Variants in PCSK2 observed in about 807,000 individuals in gnomAD.
The protein encoded by PCSK2 is neuroendocrine convertase 2.
In PCSK2, 14 loss-of-function variants were observed where a neutral mutation model predicts 69.7. The ratio of observed to expected loss-of-function variants is 0.20; its 90% CI spans 0.13 to 0.31. PCSK2 has a LOEUF of 0.31. Among genes scored for constraint, PCSK2 ranks in the 10% least tolerant of loss-of-function variants. PCSK2 has a pLI of 1.00. For missense variants in PCSK2, 544 were observed against 842.5 expected (o/e 0.65, Z 4.39); for synonymous variants, 307 against 320.7 (o/e 0.96, Z 0.46).
chr20:17,442,631 G>A (rs748669668), intron 8 of PCSK2, among the ~76,000 whole-genome samples: 26 of 152,176 alleles, frequency 1.7e-4, no homozygotes, highest in Non-Finnish European at 3.8e-4. Context: ...TCGAAGGAAT[G>A]AGCGTGTGAA....
intron 11 of PCSK2, among the ~76,000 whole-genome samples, chr20:17,478,671 T>C (rs2033335086): frequency 6.6e-6 from 1 of 152,186 alleles, no homozygotes; most frequent in Admixed American, 6.5e-5. Flanking sequence ...TATTAGCTAA[T>C]TCTCATCATT....
chr20:17,390,438 A>G (rs2031343113), intron 5 of PCSK2, among the ~76,000 whole-genome samples: 2 of 152,228 alleles, frequency 1.3e-5, no homozygotes, highest in African/African-American at 4.8e-5. Flanking sequence ...AGCACAACCT[A>G]TAAGCAAAAG....
intron 1 of PCSK2, among the ~76,000 whole-genome samples, chr20:17,239,916 C>T (rs1365362993): frequency 3.8e-5 from 5 of 131,000 alleles, no homozygotes; most frequent in South Asian, 2.4e-4. Context: ...TGCAATGGCG[C>T]GATCTCAGCT....
At chr20:17,299,311 C>T (rs1989001966) in intron 2 of PCSK2, among the ~76,000 whole-genome samples, 1 of 152,118 alleles carries the variant, frequency 6.6e-6, no homozygotes, top group African/African-American at 2.4e-5. Context: ...TGAAATGCTA[C>T]TTTTATGGTG....
At chr20:17,298,165 A>G (rs1287439897) in intron 2 of PCSK2, among the ~76,000 whole-genome samples, 1 of 152,204 alleles carries the variant, frequency 6.6e-6, no homozygotes, top group African/African-American at 2.4e-5. Flanking sequence ...AACAATATTT[A>G]TTATATCAAT....
intron 2 of PCSK2, among the ~76,000 whole-genome samples, chr20:17,267,557 A>G (rs113393349): frequency 4.5e-4 from 69 of 152,322 alleles, no homozygotes; most frequent in Middle Eastern, 3.4e-3. Context: ...TGCTGGTGCT[A>G]TAATTAACTA....
intron 5 of PCSK2, among the ~76,000 whole-genome samples, chr20:17,375,005 G>T (rs376989707): frequency 3.3e-4 from 50 of 152,298 alleles, no homozygotes; most frequent in African/African-American, 1.1e-3. Context: ...CCTTAGAGGA[G>T]CATATCAAAC....
intron 2 of PCSK2, among the ~76,000 whole-genome samples, chr20:17,272,277 C>A (rs921310701): frequency 3.3e-5 from 5 of 152,072 alleles, no homozygotes; most frequent in African/African-American, 1.2e-4. Flanking sequence ...ATTGCATGCT[C>A]ACTTCCCGTA....
At chr20:17,321,496 CCTTT>C (rs1266980961) in intron 2 of PCSK2, among the ~76,000 whole-genome samples, 4 of 152,162 alleles carry the variant, frequency 2.6e-5, no homozygotes, top group African/African-American at 4.8e-5. Flanking sequence ...AGCTAATAAT[CCTTT>C]CTTTCTAATA....
intron 2 of PCSK2, among the ~76,000 whole-genome samples, chr20:17,265,859 G>A (rs1600425977): frequency 6.6e-6 from 1 of 152,236 alleles, no homozygotes; most frequent in African/African-American, 2.4e-5. Context: ...TTACCATTGA[G>A]GCAAAATAGA....
intron 6 of PCSK2, among the ~76,000 whole-genome samples, chr20:17,411,497 A>T (rs1484638662): frequency 7.1e-6 from 1 of 141,086 alleles, no homozygotes; most frequent in African/African-American, 3.2e-5. Context: ...TTGAGTAGGT[A>T]AAAAAAAGCG....
chr20:17,455,329 C>T (rs759133370), intron 9 of PCSK2, among the ~76,000 whole-genome samples: 6 of 152,100 alleles, frequency 3.9e-5, no homozygotes, highest in African/African-American at 1.4e-4. Flanking sequence ...GAATTCCCGT[C>T]GTTTATACAT....
At chr20:17,347,952 GA>G (rs772934676) in intron 2 of PCSK2, among the ~76,000 whole-genome samples, 2 of 58,160 alleles carry the variant, frequency 3.4e-5, no homozygotes, top group Admixed American at 4.6e-4. Context: ...AAGAAAGAAA[GA>G]AAGAAAGAGA....
chr20:17,260,940 T>A (rs1987358705), intron 2 of PCSK2, among the ~76,000 whole-genome samples: 1 of 152,206 alleles, frequency 6.6e-6, no homozygotes, highest in Non-Finnish European at 1.5e-5. Flanking sequence ...CCCATTTTTT[T>A]AATCTTCAGT....
chr20:17,327,746 G>T (rs1239407869), intron 2 of PCSK2, among the ~76,000 whole-genome samples: 2 of 152,178 alleles, frequency 1.3e-5, no homozygotes, highest in Admixed American at 6.5e-5. Context: ...TAAGGTATTT[G>T]CTGGTTTCTA....
intron 2 of PCSK2, among the ~76,000 whole-genome samples, chr20:17,294,295 A>G (rs1988810615): frequency 6.7e-6 from 1 of 150,066 alleles, no homozygotes; most frequent in Admixed American, 6.6e-5. Context: ...TTTAGTAGAG[A>G]CGGGGTTTCA....
chr20:17,482,179 C>A lies in PCSK2; in HGVS notation c.*109C>A. On this transcript the variant is annotated 3_prime_UTR_variant, in exon 12 of 12. Coordinates refer to ENST00000262545, the MANE Select transcript of PCSK2 (RefSeq NM_002594.5). ...ATTCCATCACCCGTACAGGCAATTC[C>A]GTCTTCTTAATCTGAAGCTTCACTC... is the stretch of plus-strand genomic sequence containing the variant. 2 of 991,234 alleles carry A rather than the reference C, an allele frequency of 2.0e-6. No homozygotes were observed. Among genetic ancestry groups the A allele is most frequent in the Non-Finnish European group, 1.4e-6 (1 of 695,762 alleles). The allele number at this position is 991,234 out of a possible 1,614,324, so 61.4% of individuals were successfully genotyped here.
chr20:17,305,814 C>A (rs941542823), intron 2 of PCSK2, among the ~76,000 whole-genome samples: 3 of 152,154 alleles, frequency 2.0e-5, no homozygotes, highest in Non-Finnish European at 4.4e-5. Flanking sequence ...AACAAAAAAG[C>A]TTTATCAATT....
chr20:17,398,173 A>T (rs1386117575), intron 5 of PCSK2, among the ~76,000 whole-genome samples: 1 of 152,148 alleles, frequency 6.6e-6, no homozygotes, highest in African/African-American at 2.4e-5. Context: ...GAGGCTATGG[A>T]TGCAGAAAGG....
Sources: gnomAD v4.1 joint callset for allele counts (sites outside exome capture counted in the v4.1 genomes callset) on GRCh38, gnomAD v4.1.1 for gene constraint, MANE v1.5 for transcripts, NCBI Gene and HGNC (gene_info 2026-07-23, HGNC 2026-07-21) for gene names.